The following ARID4B variants were observed in gnomAD, a reference collection of about 807,000 sequenced individuals.
ARID4B encodes the protein AT-rich interactive domain-containing protein 4B.
ARID4B carries 26 observed loss-of-function variants against 147.5 expected under a neutral mutation model. The ratio of observed to expected loss-of-function variants is 0.18; its 90% CI spans 0.13 to 0.24. The LOEUF (loss-of-function observed/expected upper bound fraction) is 0.24, where lower values mean the gene tolerates loss of function less well. ARID4B is among the 10% of genes least tolerant of loss of function. ARID4B has a pLI of 1.00. For missense variants in ARID4B, 1,179 were observed against 1,511.5 expected (o/e 0.78, Z 3.65); for synonymous variants, 512 against 507.9 (o/e 1.01, Z -0.11).
At position 235,231,140 on chromosome 1, in the gene ARID4B, G is replaced by A. The variant is rs1274997413; in HGVS notation, c.715C>T (p.Pro239Ser). 2.5e-6 allele frequency: 4 copies of A among 1,592,706 alleles called. No individual in the cohort carries two copies. Among genetic ancestry groups the A allele is most frequent in the East Asian group, 4.5e-5 (2 of 44,194 alleles). The change falls in exon 10 of 24, where the codon CCA becomes TCA. Residue 239 changes from proline to serine, a missense_variant. Pro to Ser is a moderately conservative substitution (Grantham distance 74, BLOSUM62 -1). Around this residue, in one of 10 missense-constraint regions of ARID4B, gnomAD observed 159 missense variants for 190.5 expected, o/e 0.83. Transcript: ENST00000264183. Reference protein sequence around the residue: ...DVHEITSDTAPKPDAVLKQAF... With the variant: ...DVHEITSDTASKPDAVLKQAF... ...TGCTTTAAAACAGCATCAGGCTTTGGTGCAGTGTCACTAGTAATTTCATGG... is the reference window on the plus strand; with the variant it reads ...TGCTTTAAAACAGCATCAGGCTTTGATGCAGTGTCACTAGTAATTTCATGG...
At chr1:235,288,531 G>T (rs1672129153) in intron 2 of ARID4B, among the ~76,000 whole-genome samples, 2 of 152,118 alleles carry the variant, frequency 1.3e-5, no homozygotes, top group East Asian at 1.9e-4. Flanking sequence ...ATGTTTTAGA[G>T]ATCTTTCTAC....
intron 22 of ARID4B, 98 bp from the exon 23 acceptor site, chr1:235,172,862 G>T: frequency 1.0e-6 from 1 of 1,000,470 alleles, no homozygotes; most frequent in Non-Finnish European, 1.4e-6. Flanking sequence ...TAAGGTTGAG[G>T]CAGATGAACT....
intron 2 of ARID4B, among the ~76,000 whole-genome samples, chr1:235,301,821 T>C (rs1170187092): frequency 4.6e-5 from 7 of 151,680 alleles, no homozygotes; most frequent in Non-Finnish European, 8.8e-5. Context: ...TTCAAGTGAT[T>C]CTCCTGCCTC....
chr1:235,308,048 G>A (rs1396594321), intron 2 of ARID4B, among the ~76,000 whole-genome samples: 4 of 143,636 alleles, frequency 2.8e-5, no homozygotes, highest in South Asian at 2.2e-4. Context: ...GTCCACTGTC[G>A]TTCATTTTTA....
At chr1:235,185,282 C>T (rs901918967) in intron 19 of ARID4B, among the ~76,000 whole-genome samples, 29 of 152,134 alleles carry the variant, frequency 1.9e-4, no homozygotes, top group African/African-American at 6.8e-4. Context: ...ATAAGTAGTA[C>T]ATTTGATAAA....
At chr1:235,263,506 C>T (rs943225231) in intron 2 of ARID4B, among the ~76,000 whole-genome samples, 40 of 152,248 alleles carry the variant, frequency 2.6e-4, no homozygotes, top group African/African-American at 9.1e-4. Flanking sequence ...GGACTCCCTC[C>T]GCCCCCAAAT....
At chr1:235,190,070 T>G (rs1278672836) in intron 19 of ARID4B, 1 of 154,322 alleles carries the variant, frequency 6.5e-6, no homozygotes, top group Non-Finnish European at 1.5e-5. Context: ...AACAGCCAAG[T>G]GTACTGTGGA....
At chr1:235,300,009 C>G (rs1308385841) in intron 2 of ARID4B, among the ~76,000 whole-genome samples, 1 of 152,156 alleles carries the variant, frequency 6.6e-6, no homozygotes, top group Non-Finnish European at 1.5e-5. Flanking sequence ...CCACATGTTA[C>G]TCTACCCTCG....
chr1:235,219,642 G>A, intron 16 of ARID4B, 151 bp downstream of exon 16: 1 of 594,550 alleles, frequency 1.7e-6, no homozygotes, highest in Non-Finnish European at 2.7e-6. Context: ...GTCTCTGAAA[G>A]AAGTGAATGC....
chr1:235,310,299 C>T (rs1393685003), intron 2 of ARID4B, among the ~76,000 whole-genome samples: 2 of 152,130 alleles, frequency 1.3e-5, no homozygotes. Context: ...GTAAACTACA[C>T]TTACTATTCA....
chr1:235,174,164 T>C (rs1335893742), intron 22 of ARID4B, among the ~76,000 whole-genome samples: 1 of 151,844 alleles, frequency 6.6e-6, no homozygotes, highest in Non-Finnish European at 1.5e-5. Flanking sequence ...CTCAGCCTCC[T>C]GAGTAGCTGG....
Position 235,219,778 on chromosome 1 carries a change from A to T in ARID4B, c.1583+15T>A, listed in dbSNP as rs779894846. 1 of 1,583,432 alleles carries T rather than the reference A, an allele frequency of 6.3e-7. No homozygotes were observed. The highest frequency in any genetic ancestry group is 8.6e-7 in the Non-Finnish European group (1 of 1,168,604). On this transcript the variant is annotated intron_variant, in intron 16 of 23. Transcript: ENST00000264183. Reference sequence around the variant, plus strand: ...TCAAGCTGAAATGCATCGTAACCAAAAACAATTTTCTTACCCAGATTTTGC... The same window carrying T: ...TCAAGCTGAAATGCATCGTAACCAATAACAATTTTCTTACCCAGATTTTGC...
intron 2 of ARID4B, among the ~76,000 whole-genome samples, chr1:235,279,969 A>G (rs1475687120): frequency 2.0e-5 from 3 of 152,186 alleles, no homozygotes; most frequent in Non-Finnish European, 4.4e-5. Context: ...TACCCAATGT[A>G]TCTTTTCCTT....
chr1:235,218,391 TCA>T (rs1330794163), intron 16 of ARID4B, among the ~76,000 whole-genome samples: 3 of 152,208 alleles, frequency 2.0e-5, no homozygotes, highest in Non-Finnish European at 4.4e-5. Flanking sequence ...TACAGATTTA[TCA>T]CAGTGCCTTG....
At chr1:235,209,078 T>TC (rs1457033060) in intron 17 of ARID4B, among the ~76,000 whole-genome samples, 1 of 152,202 alleles carries the variant, frequency 6.6e-6, no homozygotes, top group Non-Finnish European at 1.5e-5. Context: ...TGACTTTTTT[T>TC]CATCACAACA....
rs1666220831 is a variant in ARID4B, at chr1:235,205,068, C to T, written c.1841+8701G>A. 2.0e-5 allele frequency among the ~76,000 whole-genome samples: 3 copies of T among 152,082 alleles called. No individual in the cohort carries two copies. In the South Asian group the frequency reaches 6.2e-4, roughly 31 times the overall value. On this transcript the variant is annotated intron_variant, in intron 17 of 23. Coordinates refer to ENST00000264183, the MANE Select transcript of ARID4B (RefSeq NM_016374.6). Reference sequence around the variant, plus strand: ...GCCTCTGACTTCTGTACTATAGAAACAACGCAGACAACTTCCCAGGGTACC... The same window carrying T: ...GCCTCTGACTTCTGTACTATAGAAATAACGCAGACAACTTCCCAGGGTACC...
intron 12 of ARID4B, 114 bp downstream of exon 12, chr1:235,224,585 AAGAC>A (rs1667705300): frequency 2.4e-5 from 17 of 713,908 alleles, no homozygotes; most frequent in Middle Eastern, 7.4e-4. Context: ...CAGAGTCAAA[AAGAC>A]AGCCATAATT....
At position 235,280,953 on chromosome 1, in the gene ARID4B, G is replaced by GA. The variant is rs201811610; in HGVS notation, c.7-20202dup. Among the ~76,000 whole-genome samples, 530 of 143,076 alleles carry GA rather than the reference G, an allele frequency of 3.7e-3. 3 individuals are homozygous for GA. The highest frequency in any genetic ancestry group is 0.012 in the African/African-American group (479 of 38,920). The allele number at this position is 143,076 out of a possible 152,430, so 93.9% of individuals were successfully genotyped here. A position where few individuals can be genotyped will look rare whatever the true frequency, so the allele number is the denominator to read the frequency against. On this transcript the variant is annotated intron_variant, in intron 2 of 23. Coordinates refer to ENST00000264183, the MANE Select transcript of ARID4B (RefSeq NM_016374.6). ...AAAATTAAATCATATGTATAAAAAC[G>GA]AAAAAAAAAGAGTCCTGAGTAACTT...
In ARID4B at chr1:235,327,994, C is replaced by T. The variant is rs1240438602; in HGVS notation, c.-275G>A. ...GGGGGAGGGGGACGACGAAAAATCC[C>T]CCCCGGACTGGAGGTCCGGGCCCCC... is the stretch of plus-strand genomic sequence containing the variant. On this transcript the variant is annotated 5_prime_UTR_variant, in exon 1 of 24. Transcript: ENST00000264183. 1 of 152,684 alleles carries T rather than the reference C, an allele frequency of 6.5e-6. No individual in the cohort carries two copies. The highest frequency in any genetic ancestry group is 1.5e-5 in the Non-Finnish European group (1 of 68,256). The allele number at this position is 152,684 out of a possible 1,614,324, so 9.5% of individuals were successfully genotyped here.
Sources: gnomAD v4.1 joint callset for allele counts (sites outside exome capture counted in the v4.1 genomes callset) on GRCh38, gnomAD v4.1.1 for gene constraint, gnomAD v4.1.1 regional missense constraint, MANE v1.5 for transcripts, NCBI Gene and HGNC (gene_info 2026-07-23, HGNC 2026-07-21) for gene names.